KCNT2: variants seen among roughly 807,000 people sequenced by gnomAD.
KCNT2 encodes the protein potassium channel subfamily T member 2.
A neutral mutation model predicts 153.8 loss-of-function variants in KCNT2; 67 were observed. The observed-to-expected ratio is 0.44, with a 90% CI of 0.36 to 0.53. KCNT2 has a LOEUF of 0.53. Ranked by LOEUF, KCNT2 falls within the 20% of genes least tolerant of loss-of-function variation. The pLI, the probability that KCNT2 is intolerant of heterozygous loss-of-function variation, is 0.00. For synonymous variants in KCNT2, 500 were observed against 458.8 expected (o/e 1.09, Z -1.15); for missense variants, 975 against 1,354.8 (o/e 0.72, Z 4.40).
intron 14 of KCNT2, among the ~76,000 whole-genome samples, chr1:196,368,764 C>A (rs539914889): frequency 6.6e-6 from 1 of 152,250 alleles, no homozygotes; most frequent in South Asian, 2.1e-4. Context: ...TGTCATTTCT[C>A]CCAAATCCCT....
Position 196,253,565 on chromosome 1 carries a change from C to T in KCNT2, c.3211+4629G>A, listed in dbSNP as rs149483574. Among the ~76,000 whole-genome samples, 4 of 151,460 alleles carry T rather than the reference C, an allele frequency of 2.6e-5. No homozygotes were observed. In the East Asian group the frequency reaches 7.7e-4, roughly 29 times the overall value. ...GGGTCATATTTTCTTATTTTGCATCCTAGTCCTTGATTTATAAAGGAGTTA... is the reference window on the plus strand; with the variant it reads ...GGGTCATATTTTCTTATTTTGCATCTTAGTCCTTGATTTATAAAGGAGTTA... On this transcript the variant is annotated intron_variant, in intron 26 of 27. Transcript: ENST00000294725.
chr1:196,427,085 C>G (rs2148533876), intron 10 of KCNT2, among the ~76,000 whole-genome samples: 1 of 151,756 alleles, frequency 6.6e-6, no homozygotes, highest in East Asian at 1.9e-4. Context: ...CAAAATTTTC[C>G]CACAAATGGA....
chr1:196,516,083 T>C (rs937451482), intron 1 of KCNT2, among the ~76,000 whole-genome samples: 20 of 152,094 alleles, frequency 1.3e-4, no homozygotes, highest in African/African-American at 4.8e-4. Flanking sequence ...CCTGCGTACA[T>C]ACCCTGGGAA....
At chr1:196,399,326 G>A (rs1671222954) in intron 12 of KCNT2, among the ~76,000 whole-genome samples, 1 of 151,704 alleles carries the variant, frequency 6.6e-6, no homozygotes, top group South Asian at 2.1e-4. Context: ...CACACAGTTA[G>A]CTAATACATT....
chr1:196,529,157 C>T (rs1654622579), intron 1 of KCNT2, among the ~76,000 whole-genome samples: 1 of 152,056 alleles, frequency 6.6e-6, no homozygotes, highest in South Asian at 2.1e-4. Context: ...AAATGCGAAA[C>T]TGAATATTAC....
rs952744388 is a variant in KCNT2 at position 196,371,220 on chromosome 1, C to CAAAAAA, written c.1403+1914_1403+1919dup. On this transcript the variant is annotated intron_variant, in intron 14 of 27. Coordinates refer to ENST00000294725, the MANE Select transcript of KCNT2 (RefSeq NM_198503.5). ...GCAACATGGCAAAATCCCGTCACTA[C>CAAAAAA]AAAAAAAAAAAAAAAAAAAAAAAAA... Among the ~76,000 whole-genome samples, 30 of 21,940 alleles carry CAAAAAA rather than the reference C, an allele frequency of 1.4e-3. 5 individuals are homozygous for CAAAAAA. Among genetic ancestry groups the CAAAAAA allele is most frequent in the African/African-American group, 3.4e-3 (23 of 6,726 alleles). The allele number at this position is 21,940 out of a possible 152,430, so 14.4% of individuals were successfully genotyped here.
At chr1:196,514,884 C>A (rs1204428883) in intron 1 of KCNT2, among the ~76,000 whole-genome samples, 1 of 152,044 alleles carries the variant, frequency 6.6e-6, no homozygotes, top group South Asian at 2.1e-4. Flanking sequence ...ACCTCTCAGA[C>A]CAAGCAAGTC....
At chr1:196,470,292 A>G (rs1677976323) in intron 5 of KCNT2, among the ~76,000 whole-genome samples, 1 of 152,202 alleles carries the variant, frequency 6.6e-6, no homozygotes, top group Non-Finnish European at 1.5e-5. Context: ...ACTGCCCAGA[A>G]CTTTTTAAAC....
rs551127191 is a variant in KCNT2 at position 196,423,927 on chromosome 1, A to C, written c.1122-814T>G. On this transcript the variant is annotated intron_variant, in intron 11 of 27. Coordinates refer to ENST00000294725, the MANE Select transcript of KCNT2 (RefSeq NM_198503.5). Reference sequence around the variant, plus strand: ...CTAACCTATGAAACTTGTTTGGAGAATCCTACTCCATGCTCTATGCATGAG... The same window carrying C: ...CTAACCTATGAAACTTGTTTGGAGACTCCTACTCCATGCTCTATGCATGAG... Among the ~76,000 whole-genome samples the C allele has an allele frequency of 3.0e-3, 450 of 152,046 alleles. 1 individual carries two copies. Among genetic ancestry groups the C allele is most frequent in the Non-Finnish European group, 5.3e-3 (363 of 67,868 alleles).
chr1:196,236,295 T>C (rs991043098), intron 26 of KCNT2, among the ~76,000 whole-genome samples: 1 of 151,494 alleles, frequency 6.6e-6, no homozygotes, highest in African/African-American at 2.4e-5. Flanking sequence ...CAATAAAGTA[T>C]CTAATTCTGT....
At chr1:196,465,951 C>A (rs1677575971) in intron 7 of KCNT2, among the ~76,000 whole-genome samples, 1 of 151,940 alleles carries the variant, frequency 6.6e-6, no homozygotes, top group South Asian at 2.1e-4. Flanking sequence ...ATTTTGTCCA[C>A]CACTCATTTA....
At chr1:196,366,979 T>C (rs1331029955) in intron 14 of KCNT2, among the ~76,000 whole-genome samples, 1 of 152,196 alleles carries the variant, frequency 6.6e-6, no homozygotes, top group African/African-American at 2.4e-5. Context: ...TGGCAGTTAA[T>C]GAGTCAACCA....
intron 14 of KCNT2, among the ~76,000 whole-genome samples, chr1:196,370,583 T>C (rs1028069700): frequency 6.6e-6 from 1 of 151,554 alleles, no homozygotes; most frequent in Non-Finnish European, 1.5e-5. Flanking sequence ...CTGCTGATGA[T>C]GTAAAGAAAG....
At chr1:196,416,201 A>C (rs925357177) in intron 12 of KCNT2, among the ~76,000 whole-genome samples, 3 of 151,990 alleles carry the variant, frequency 2.0e-5, no homozygotes, top group African/African-American at 4.8e-5. Flanking sequence ...CTTGTGTTCA[A>C]GTGGCCCTTA....
At chr1:196,262,089 A>G (rs1657081120) in intron 25 of KCNT2, among the ~76,000 whole-genome samples, 1 of 151,944 alleles carries the variant, frequency 6.6e-6, no homozygotes, top group African/African-American at 2.4e-5. Context: ...TAAAAACACA[A>G]AAAATAAGAA....
chr1:196,360,473 T>G (rs1217829055), intron 14 of KCNT2, among the ~76,000 whole-genome samples: 1 of 152,072 alleles, frequency 6.6e-6, no homozygotes, highest in Admixed American at 6.6e-5. Flanking sequence ...ACCTCCAGGG[T>G]GTTCCTCAGC....
chr1:196,600,229 C>T (rs1664567558), intron 1 of KCNT2, among the ~76,000 whole-genome samples: 1 of 152,160 alleles, frequency 6.6e-6, no homozygotes, highest in Non-Finnish European at 1.5e-5. Flanking sequence ...TATTCATCTG[C>T]TGCAAGCATG....
chr1:196,313,558 A>G (rs1243406998), intron 21 of KCNT2, among the ~76,000 whole-genome samples: 1 of 151,658 alleles, frequency 6.6e-6, no homozygotes, highest in Non-Finnish European at 1.5e-5. Context: ...TTGGTCATTT[A>G]TGAGCAAAAG....
chr1:196,355,979 A>G (rs1322425491), intron 14 of KCNT2, among the ~76,000 whole-genome samples: 2 of 151,798 alleles, frequency 1.3e-5, no homozygotes, highest in African/African-American at 4.8e-5. Context: ...TTACATTGCT[A>G]TATCTGTACC....
Sources: gnomAD v4.1 joint callset for allele counts (sites outside exome capture counted in the v4.1 genomes callset) on GRCh38, gnomAD v4.1.1 for gene constraint, MANE v1.5 for transcripts, NCBI Gene and HGNC (gene_info 2026-07-23, HGNC 2026-07-21) for gene names.